Variants in SHISA9 observed in about 807,000 individuals in gnomAD.
SHISA9 encodes shisa family member 9.
SHISA9 carries 13 observed loss-of-function variants against 38.0 expected under a neutral mutation model. That is an observed-to-expected ratio of 0.34 (90% CI 0.22 to 0.54). The LOEUF is 0.54. Among genes scored for constraint, SHISA9 ranks in the 20% least tolerant of loss-of-function variants. SHISA9 has a pLI of 0.91. For missense variants in SHISA9, 538 were observed against 575.8 expected (o/e 0.93, Z 0.67); for synonymous variants, 275 against 242.0 (o/e 1.14, Z -1.27).
At chr16:13,297,604 C>T in the SHISA9 span, among the ~76,000 whole-genome samples, 11 of 152,264 alleles carry the variant, frequency 7.2e-5, no homozygotes, top group South Asian at 2.3e-3. Flanking sequence ...GACACAAAGT[C>T]CCTTAGGCGG....
the SHISA9 span, among the ~76,000 whole-genome samples, chr16:13,381,590 C>T: frequency 1.5e-4 from 23 of 152,174 alleles, no homozygotes; most frequent in South Asian, 2.5e-3. Context: ...ATTTATTGGA[C>T]GGGTTGGGGA....
chr16:13,429,520 C>A, the SHISA9 span, among the ~76,000 whole-genome samples: 1 of 152,152 alleles, frequency 6.6e-6, no homozygotes, highest in Non-Finnish European at 1.5e-5. Flanking sequence ...GTCCAAATTT[C>A]TCCTTTCTAT....
chr16:12,939,906 T>C (rs542979307), intron 2 of SHISA9, among the ~76,000 whole-genome samples: 1 of 152,334 alleles, frequency 6.6e-6, no homozygotes, highest in South Asian at 2.1e-4. Flanking sequence ...GGCTGTGATA[T>C]ATTCAAATTT....
At chr16:13,064,843 A>G (rs2073416252) in intron 2 of SHISA9, among the ~76,000 whole-genome samples, 1 of 151,880 alleles carries the variant, frequency 6.6e-6, no homozygotes, top group Non-Finnish European at 1.5e-5. Flanking sequence ...TACCCTCACC[A>G]GAGTGGGATA....
Position 13,010,407 on chromosome 16 carries a change from C to A in SHISA9, c.691+93592C>A, listed in dbSNP as rs564075830. Among the ~76,000 whole-genome samples, 11 of 152,212 alleles carry A rather than the reference C, an allele frequency of 7.2e-5. 1 individual carries two copies. In the South Asian group the frequency reaches 2.3e-3, roughly 32 times the overall value. On this transcript the variant is annotated intron_variant, in intron 2 of 4. Coordinates refer to ENST00000558583, the MANE Select transcript of SHISA9 (RefSeq NM_001145204.3). ...CAACAGTATCTTAGACTTAGAGAAT[C>A]GTAGCTTCAGGATCATTACTGTCAT...
At chr16:13,551,888 A>AAGGTTGC in the SHISA9 span, among the ~76,000 whole-genome samples, 2 of 152,098 alleles carry the variant, frequency 1.3e-5, no homozygotes, top group East Asian at 3.9e-4. Context: ...CTAGCCAGGC[A>AAGGTTGC]AGGTTGCAGG....
the SHISA9 span, among the ~76,000 whole-genome samples, chr16:13,411,758 T>C: frequency 6.6e-6 from 1 of 152,216 alleles, no homozygotes; most frequent in Admixed American, 6.5e-5. Flanking sequence ...TCATATTTCA[T>C]TGGTTGGAAC....
chr16:13,274,868 A>G, the SHISA9 span, among the ~76,000 whole-genome samples: 3 of 152,178 alleles, frequency 2.0e-5, no homozygotes, highest in African/African-American at 7.2e-5. Context: ...GCCAGTGCTG[A>G]GAATTCAATC....
chr16:12,991,932 G>A (rs1403209170), intron 2 of SHISA9, among the ~76,000 whole-genome samples: 1 of 152,026 alleles, frequency 6.6e-6, no homozygotes, highest in Non-Finnish European at 1.5e-5. Context: ...TTATTGCTTA[G>A]GATGACACTA....
At chr16:13,192,839 C>T (rs1214368068) in intron 2 of SHISA9, among the ~76,000 whole-genome samples, 1 of 151,442 alleles carries the variant, frequency 6.6e-6, no homozygotes, top group African/African-American at 2.4e-5. Flanking sequence ...AGCACCATTG[C>T]ACTTCAGTCT....
chr16:13,447,614 C>T, the SHISA9 span, among the ~76,000 whole-genome samples: 1 of 152,172 alleles, frequency 6.6e-6, no homozygotes, highest in Non-Finnish European at 1.5e-5. Flanking sequence ...GTCTAATCTC[C>T]ATGGAAGTTG....
chr16:13,272,273 T>G, the SHISA9 span, among the ~76,000 whole-genome samples: 73 of 152,110 alleles, frequency 4.8e-4, 1 homozygote, highest in Admixed American at 1.3e-3. Context: ...TCGCCGACAG[T>G]TTCAAAGCAG....
intron 2 of SHISA9, among the ~76,000 whole-genome samples, chr16:13,028,968 T>C (rs902958827): frequency 6.6e-6 from 1 of 152,196 alleles, no homozygotes; most frequent in Non-Finnish European, 1.5e-5. Flanking sequence ...ACTAGAAGAC[T>C]GAGGAATGGA....
At chr16:13,378,216 G>C in the SHISA9 span, among the ~76,000 whole-genome samples, 1 of 152,234 alleles carries the variant, frequency 6.6e-6, no homozygotes, top group Non-Finnish European at 1.5e-5. Context: ...GAATGGTTCA[G>C]GGATTGCTCC....
At chr16:13,269,547 T>A in the SHISA9 span, among the ~76,000 whole-genome samples, 1 of 152,242 alleles carries the variant, frequency 6.6e-6, no homozygotes, top group African/African-American at 2.4e-5. Context: ...CAGGCTCTTC[T>A]GCTGTTGATT....
chr16:13,009,055 C>T (rs956192876), intron 2 of SHISA9, among the ~76,000 whole-genome samples: 10 of 151,574 alleles, frequency 6.6e-5, no homozygotes, highest in African/African-American at 2.2e-4. Context: ...CATGAATGTC[C>T]GTTATGTTCT....
the SHISA9 span, among the ~76,000 whole-genome samples, chr16:13,391,194 A>G: frequency 6.6e-6 from 1 of 152,136 alleles, no homozygotes; most frequent in Non-Finnish European, 1.5e-5. Context: ...ATCAACATGA[A>G]CCCTTGGAAA....
chr16:13,466,336 C>CA, the SHISA9 span, among the ~76,000 whole-genome samples: 1 of 152,146 alleles, frequency 6.6e-6, no homozygotes, highest in Non-Finnish European at 1.5e-5. Context: ...TCCGCAATGG[C>CA]AGTAAGGAAG....
At chr16:13,488,261 G>C in the SHISA9 span, among the ~76,000 whole-genome samples, 1 of 148,384 alleles carries the variant, frequency 6.7e-6, no homozygotes, top group Admixed American at 6.7e-5. Flanking sequence ...AAAAAAAAAA[G>C]GAATTAGTTA....
Sources: allele counts gnomAD v4.1 joint callset (sites outside exome capture counted in the v4.1 genomes callset), GRCh38; gene constraint gnomAD v4.1.1; transcripts MANE v1.5; gene names NCBI Gene and HGNC (gene_info 2026-07-23, HGNC 2026-07-21).